Variants in HS6ST2 observed in about 807,000 individuals in gnomAD.
HS6ST2 encodes the protein heparan-sulfate 6-O-sulfotransferase 2.
A neutral mutation model predicts 33.0 loss-of-function variants in HS6ST2; 17 were observed. That is an observed-to-expected ratio of 0.52 (90% confidence interval 0.35 to 0.77). HS6ST2 has a LOEUF of 0.77. Among genes scored for constraint, HS6ST2 ranks in the 30% least tolerant of loss-of-function variants. HS6ST2 has a pLI of 0.01. For missense variants in HS6ST2, 519 were observed against 551.7 expected (o/e 0.94, Z 0.59); for synonymous variants, 248 against 237.1 (o/e 1.05, Z -0.42).
At chrX:132,723,593 G>A (rs1473564273) in intron 2 of HS6ST2, among the ~76,000 whole-genome samples, 2 of 111,579 alleles carry the variant, frequency 1.8e-5, no homozygotes, top group Non-Finnish European at 3.8e-5. Flanking sequence ...TTCAATTAAC[G>A]CTGAAAACAC....
At chrX:132,668,768 G>GTGCTGC (rs200631922) in intron 4 of HS6ST2, among the ~76,000 whole-genome samples, 3 of 111,364 alleles carry the variant, frequency 2.7e-5, no homozygotes, top group Non-Finnish European at 3.8e-5. Context: ...TCATAAATCA[G>GTGCTGC]TGCTGCTGCT....
At chrX:132,811,695 T>TATATAC (rs2065347020) in intron 2 of HS6ST2, among the ~76,000 whole-genome samples, 1 of 80,945 alleles carries the variant, frequency 1.2e-5, no homozygotes, top group Non-Finnish European at 2.4e-5. Context: ...AATATATATA[T>TATATAC]ATATATATAT....
chrX:132,770,188 A>C (rs2064884274), intron 2 of HS6ST2, among the ~76,000 whole-genome samples: 1 of 111,266 alleles, frequency 9.0e-6, no homozygotes, highest in Non-Finnish European at 1.9e-5. Context: ...TCTTACAAGA[A>C]CTCTGTTATT....
At chrX:132,858,948 A>C (rs763015773) in intron 2 of HS6ST2, among the ~76,000 whole-genome samples, 5 of 112,440 alleles carry the variant, frequency 4.4e-5, no homozygotes, top group Non-Finnish European at 9.4e-5. Context: ...CACGGGCTGC[A>C]TTTCAGCTCC....
intron 3 of HS6ST2, among the ~76,000 whole-genome samples, chrX:132,698,270 T>C (rs895572153): frequency 8.9e-6 from 1 of 112,543 alleles, no homozygotes; most frequent in African/African-American, 3.2e-5. Flanking sequence ...ATTATAATTG[T>C]GACAGAATCA....
chrX:132,948,092 A>T (rs1569505913), intron 2 of HS6ST2, among the ~76,000 whole-genome samples: 1 of 112,038 alleles, frequency 8.9e-6, no homozygotes, highest in African/African-American at 3.2e-5. Context: ...GCAACTCATT[A>T]GAACTAAACT....
chrX:132,639,478 A>G (rs753342390), intron 4 of HS6ST2, among the ~76,000 whole-genome samples: 2 of 111,510 alleles, frequency 1.8e-5, no homozygotes, highest in African/African-American at 3.3e-5. Flanking sequence ...AAAATACCCT[A>G]CAGCATGCAG....
chrX:132,943,078 G>A (rs1297642966), intron 2 of HS6ST2, among the ~76,000 whole-genome samples: 4 of 111,531 alleles, frequency 3.6e-5, no homozygotes, highest in African/African-American at 6.5e-5. Flanking sequence ...TCTTTAAGAC[G>A]GGAAAAAAGA....
intron 2 of HS6ST2, among the ~76,000 whole-genome samples, chrX:132,884,446 G>A (rs1440033438): frequency 2.7e-5 from 3 of 111,461 alleles, no homozygotes; most frequent in African/African-American, 9.8e-5. Context: ...ATGCAAGAAT[G>A]AGTAAGAATA....
At chrX:132,898,188 C>T (rs2066393909) in intron 2 of HS6ST2, among the ~76,000 whole-genome samples, 1 of 109,765 alleles carries the variant, frequency 9.1e-6, no homozygotes, top group African/African-American at 3.3e-5. Flanking sequence ...CCACCTCCCC[C>T]TGTCCGTGGA....
intron 2 of HS6ST2, among the ~76,000 whole-genome samples, chrX:132,789,532 A>G (rs2065098490): frequency 8.9e-6 from 1 of 112,017 alleles, no homozygotes; most frequent in African/African-American, 3.2e-5. Flanking sequence ...TCCATTCTTC[A>G]GTTGACGGAT....
intron 2 of HS6ST2, among the ~76,000 whole-genome samples, chrX:132,839,301 TATATATATATATATAC>T (rs748769548): frequency 0.11 from 3,359 of 31,825 alleles, 82 homozygotes; most frequent in East Asian, 0.21. Flanking sequence ...TATATATATA[TATATATATATATATAC>T]ACACACATGT....
At chrX:132,659,033 A>G (rs1569478304) in intron 4 of HS6ST2, among the ~76,000 whole-genome samples, 1 of 112,075 alleles carries the variant, frequency 8.9e-6, no homozygotes, top group African/African-American at 3.2e-5. Context: ...CTGTGATTTC[A>G]TATAAATGTA....
chrX:132,697,487 C>T (rs2064112279), intron 3 of HS6ST2, among the ~76,000 whole-genome samples: 1 of 112,145 alleles, frequency 8.9e-6, no homozygotes, highest in African/African-American at 3.2e-5. Flanking sequence ...ATAAAAGCTA[C>T]TTATTTTGAA....
intron 2 of HS6ST2, among the ~76,000 whole-genome samples, chrX:132,739,654 G>A (rs2064548019): frequency 9.4e-6 from 1 of 106,239 alleles, no homozygotes; most frequent in Admixed American, 1.0e-4. Flanking sequence ...GGCAGAGGTT[G>A]CAGTGAGCCA....
chrX:132,905,224 C>T (rs570322839), intron 2 of HS6ST2, among the ~76,000 whole-genome samples: 2 of 111,997 alleles, frequency 1.8e-5, no homozygotes, highest in Non-Finnish European at 3.8e-5. Context: ...AAAATGACTT[C>T]ACTTCAATGA....
At chrX:132,900,315 T>C (rs892361168) in intron 2 of HS6ST2, among the ~76,000 whole-genome samples, 6 of 112,060 alleles carry the variant, frequency 5.4e-5, no homozygotes, top group African/African-American at 1.9e-4. Context: ...GATGGGATGC[T>C]GGAGCTACAA....
chrX:132,950,657 G>A (rs909263511), intron 2 of HS6ST2, among the ~76,000 whole-genome samples: 1 of 111,772 alleles, frequency 8.9e-6, no homozygotes, highest in Admixed American at 9.5e-5. Context: ...CAAACTAGTT[G>A]GGGGTCCTAT....
chrX:132,821,950 C>T (rs2065464221), intron 2 of HS6ST2, among the ~76,000 whole-genome samples: 1 of 111,373 alleles, frequency 9.0e-6, no homozygotes, highest in South Asian at 3.8e-4. Context: ...GAGATCTCCC[C>T]ACTGCACTCC....
Sources: gnomAD v4.1 joint callset for allele counts (sites outside exome capture counted in the v4.1 genomes callset) on GRCh38, gnomAD v4.1.1 for gene constraint, MANE v1.5 for transcripts, NCBI Gene and HGNC (gene_info 2026-07-23, HGNC 2026-07-21) for gene names.